DNAJC13: variants seen among roughly 807,000 people sequenced by gnomAD.
DNAJC13 encodes the protein DnaJ heat shock protein family (Hsp40) member C13.
DNAJC13 carries 75 observed loss-of-function variants against 290.5 expected under a neutral mutation model. The ratio of observed to expected loss-of-function variants is 0.26; its 90% CI spans 0.21 to 0.31. DNAJC13 has a LOEUF of 0.31. Ranked by LOEUF, DNAJC13 falls within the 10% of genes least tolerant of loss-of-function variation. DNAJC13 has a pLI of 1.00. For missense variants in DNAJC13, 2,260 were observed against 2,674.5 expected, an observed-to-expected ratio of 0.85 and a Z score of 3.42; for synonymous variants, 862 against 892.0, an observed-to-expected ratio of 0.97 and a Z score of 0.60.
intron 1 of DNAJC13, among the ~76,000 whole-genome samples, chr3:132,421,473 T>C (rs1455077031): frequency 6.6e-6 from 1 of 152,208 alleles, no homozygotes; most frequent in Non-Finnish European, 1.5e-5. Context: ...TTTTTGTGTG[T>C]GTGAGAGACA....
intron 14 of DNAJC13, 141 bp downstream of exon 14, chr3:132,460,498 C>T (rs1479663837): frequency 5.4e-6 from 3 of 555,716 alleles, no homozygotes; most frequent in Admixed American, 6.6e-5. Flanking sequence ...TCAGCTTGGT[C>T]ACTGATAATA....
At chr3:132,505,249 A>G (rs1221561661) in intron 41 of DNAJC13, 53 bp from the exon 42 acceptor site, 2 of 1,148,192 alleles carry the variant, frequency 1.7e-6, no homozygotes, top group South Asian at 2.6e-5. Flanking sequence ...ATAAGTGATA[A>G]TGTCAATAAG....
At chr3:132,470,028 TCA>T (rs1934143851) in intron 20 of DNAJC13, among the ~76,000 whole-genome samples, 1 of 110,810 alleles carries the variant, frequency 9.0e-6, no homozygotes, top group Non-Finnish European at 1.8e-5. Flanking sequence ...TGGGTGTTTC[TCA>T]CAGAGGGGGA....
chr3:132,431,936 G>A (rs1470205555), intron 1 of DNAJC13, among the ~76,000 whole-genome samples: 2 of 152,084 alleles, frequency 1.3e-5, no homozygotes, highest in Non-Finnish European at 2.9e-5. Context: ...GAAAATAGTG[G>A]TGATGGTTGC....
At chr3:132,436,880 T>C (rs1168637767) in intron 2 of DNAJC13, among the ~76,000 whole-genome samples, 1 of 149,816 alleles carries the variant, frequency 6.7e-6, no homozygotes, top group African/African-American at 2.4e-5. Context: ...TTTTTTTATT[T>C]TACTTTTTTT....
chr3:132,520,759 CATAAAT>C (rs1936065694), intron 48 of DNAJC13, among the ~76,000 whole-genome samples: 1 of 152,166 alleles, frequency 6.6e-6, no homozygotes, highest in Non-Finnish European at 1.5e-5. Context: ...TGATAAGACT[CATAAAT>C]ATAGCTCTTA....
chr3:132,429,806 T>A (rs1013152270), intron 1 of DNAJC13, among the ~76,000 whole-genome samples: 25 of 152,286 alleles, frequency 1.6e-4, no homozygotes, highest in African/African-American at 5.3e-4. Context: ...TACATAAATA[T>A]AATGTAGTTG....
intron 41 of DNAJC13, 39 bp downstream of exon 41, chr3:132,503,420 T>C: frequency 6.2e-7 from 1 of 1,609,870 alleles, no homozygotes; most frequent in South Asian, 1.1e-5. Context: ...TAATCAATAG[T>C]GCAAGATCCT....
chr3:132,514,606 C>G lies in DNAJC13; in HGVS notation c.5421C>G (p.Val1807=). 4.3e-6 allele frequency: 7 copies of G among 1,611,610 alleles called. No individual in the cohort carries two copies. Among genetic ancestry groups the G allele is most frequent in the Non-Finnish European group, 5.9e-6 (7 of 1,178,830 alleles). ...TAGTGACATCTAACCAAGACTGTGT[C>G]AACAATATTGCTGAATCAATGGTTT... ...VNIVTSNQDC[V]NNIAESMVLS... Residue 1807 remains valine (V), a synonymous_variant, in exon 46 of 56, where the codon GTC becomes GTG. Transcript: ENST00000260818.
chr3:132,528,550 T>C (rs1223425781), intron 54 of DNAJC13, among the ~76,000 whole-genome samples: 1 of 152,228 alleles, frequency 6.6e-6, no homozygotes, highest in Non-Finnish European at 1.5e-5. Flanking sequence ...TTCTGGATAG[T>C]GATGGCATGT....
chr3:132,510,661 T>C (rs2369800), intron 43 of DNAJC13, among the ~76,000 whole-genome samples: 18,837 of 152,228 alleles, frequency 0.12, 1,684 homozygotes, highest in East Asian at 0.53. Flanking sequence ...GTAATATATA[T>C]GTAAATAGCT....
Position 132,466,366 on chromosome 3 carries a change from ATGT to A in DNAJC13, c.2038_2040del (p.Val680del). ...CCTGAGAAGGATGCTGATCGGATGC[ATGT>A]TAGAGACAATGTGAAAATAGCAATG... On this transcript the variant is annotated inframe_deletion, in exon 19 of 56. Transcript: ENST00000260818. 6.2e-7 allele frequency: 1 copy of A among 1,601,128 alleles called. No individual in the cohort carries two copies. Among genetic ancestry groups the A allele is most frequent in the Non-Finnish European group, 8.5e-7 (1 of 1,176,400 alleles).
At chr3:132,472,538 T>C (rs1337778341) in intron 20 of DNAJC13, 2 of 985,168 alleles carry the variant, frequency 2.0e-6, no homozygotes, top group South Asian at 4.7e-5. Flanking sequence ...CTTTTTTTCC[T>C]TTTTACGATT....
At chr3:132,489,375 A>G (rs1934988574) in intron 31 of DNAJC13, among the ~76,000 whole-genome samples, 1 of 152,048 alleles carries the variant, frequency 6.6e-6, no homozygotes, top group African/African-American at 2.4e-5. Flanking sequence ...AAGATTCAGG[A>G]AGACTTCAGC....
intron 32 of DNAJC13, among the ~76,000 whole-genome samples, 178 bp downstream of exon 32, chr3:132,491,229 C>G (rs1576496270): frequency 6.6e-6 from 1 of 152,210 alleles, no homozygotes; most frequent in East Asian, 1.9e-4. Flanking sequence ...TTTCTCTATT[C>G]TAATAAGATT....
chr3:132,526,318 A>C (rs766885681), intron 53 of DNAJC13, 37 bp downstream of exon 53: 2 of 1,610,562 alleles, frequency 1.2e-6, no homozygotes. Flanking sequence ...ATTTTAGGAA[A>C]GCAAACATAC....
intron 2 of DNAJC13, among the ~76,000 whole-genome samples, chr3:132,444,234 G>A (rs1933170995): frequency 6.6e-6 from 1 of 152,146 alleles, no homozygotes; most frequent in South Asian, 2.1e-4. Flanking sequence ...CCCCTGCCCT[G>A]TCCATGGAAA....
intron 25 of DNAJC13, among the ~76,000 whole-genome samples, chr3:132,479,855 A>G (rs1218095816): frequency 1.3e-5 from 2 of 152,176 alleles, no homozygotes; most frequent in African/African-American, 4.8e-5. Context: ...TGATACTAAT[A>G]CCAATTTGCA....
chr3:132,488,250 G>A (rs372034019), intron 29 of DNAJC13, 48 bp from the exon 30 acceptor site: 103 of 1,512,504 alleles, frequency 6.8e-5, no homozygotes, highest in Non-Finnish European at 6.2e-5. Flanking sequence ...CTAAAGTGAT[G>A]ATGCAGGTTT....
Sources: allele counts gnomAD v4.1 joint callset (sites outside exome capture counted in the v4.1 genomes callset), GRCh38; gene constraint gnomAD v4.1.1; transcripts MANE v1.5; gene names NCBI Gene and HGNC (gene_info 2026-07-23, HGNC 2026-07-21).